ADAMTSL1: variants seen among roughly 807,000 people sequenced by gnomAD.
ADAMTSL1 encodes ADAMTS-like protein 1.
Under a neutral mutation model 201.8 loss-of-function variants are expected in ADAMTSL1, and 126 were observed. The observed-to-expected ratio is 0.62, with a 90% CI of 0.54 to 0.72. The LOEUF (loss-of-function observed/expected upper bound fraction) is 0.72, where lower values mean the gene tolerates loss of function less well. Among genes scored for constraint, ADAMTSL1 ranks in the 30% least tolerant of loss-of-function variants. ADAMTSL1 has a pLI of 0.00. For synonymous variants in ADAMTSL1, 1,121 were observed against 903.4 expected, an observed-to-expected ratio of 1.24 and a Z score of -4.32; for missense variants, 2,679 against 2,277.8, an observed-to-expected ratio of 1.18 and a Z score of -3.59.
At chr9:18,865,179 A>T (rs529363287) in intron 23 of ADAMTSL1, among the ~76,000 whole-genome samples, 2 of 152,086 alleles carry the variant, frequency 1.3e-5, no homozygotes, top group Non-Finnish European at 2.9e-5. Context: ...TCCTAATGCT[A>T]TCCCTCCCCG....
At chr9:18,826,209 T>C (rs1243801027) in intron 21 of ADAMTSL1, 75 bp from the exon 22 acceptor site, 2 of 1,527,034 alleles carry the variant, frequency 1.3e-6, no homozygotes, top group East Asian at 2.4e-5. Flanking sequence ...TTCAAGAAGC[T>C]ATAAATGCCT....
At chr9:18,421,446 A>T (rs908705505) in intron 2 of ADAMTSL1, among the ~76,000 whole-genome samples, 2 of 152,146 alleles carry the variant, frequency 1.3e-5, no homozygotes, top group Non-Finnish European at 2.9e-5. Flanking sequence ...CTCCTAAGCG[A>T]TAGAGCCAGG....
At position 18,910,435 on chromosome 9, in the gene ADAMTSL1, C is replaced by T. The variant is rs1258840702; in HGVS notation, c.*1887C>T. The T allele has an allele frequency of 2.0e-5, 3 of 152,122 alleles. No individual in the cohort carries two copies. Among genetic ancestry groups the T allele is most frequent in the Non-Finnish European group, 2.9e-5 (2 of 68,030 alleles). The allele number at this position is 152,122 out of a possible 1,614,324, so 9.4% of individuals were successfully genotyped here. A position where few individuals can be genotyped will look rare whatever the true frequency, so the allele number is the denominator to read the frequency against. On this transcript the variant is annotated 3_prime_UTR_variant, in exon 29 of 29. Transcript: ENST00000380548. ...CTTCCTGCAGTTGTGTTCCTGTAAACTCAGTAGTGATTATTATATTTTTCC... is the reference window on the plus strand; with the variant it reads ...CTTCCTGCAGTTGTGTTCCTGTAAATTCAGTAGTGATTATTATATTTTTCC...
At chr9:18,188,977 T>C (rs1354635152) in intron 2 of ADAMTSL1, among the ~76,000 whole-genome samples, 1 of 152,194 alleles carries the variant, frequency 6.6e-6, no homozygotes, top group Non-Finnish European at 1.5e-5. Context: ...GTCACACTGT[T>C]AGCACCTTTG....
intron 26 of ADAMTSL1, among the ~76,000 whole-genome samples, chr9:18,895,880 A>G (rs1829603858): frequency 6.6e-6 from 1 of 152,254 alleles, no homozygotes; most frequent in Admixed American, 6.5e-5. Context: ...GAAAATAAAC[A>G]TAGGCATTGA....
intron 1 of ADAMTSL1, among the ~76,000 whole-genome samples, chr9:17,916,962 T>G (rs1160862668): frequency 6.6e-6 from 1 of 152,198 alleles, no homozygotes; most frequent in Non-Finnish European, 1.5e-5. Context: ...TACAATATTT[T>G]AGTGTACAAG....
chr9:18,030,236 T>A (rs1250345871), intron 1 of ADAMTSL1, among the ~76,000 whole-genome samples: 1 of 152,260 alleles, frequency 6.6e-6, no homozygotes, highest in Non-Finnish European at 1.5e-5. Flanking sequence ...GATGAGTTCT[T>A]GTCCTTTGTA....
At chr9:18,683,094 G>T (rs369461923) in intron 12 of ADAMTSL1, among the ~76,000 whole-genome samples, 2 of 152,196 alleles carry the variant, frequency 1.3e-5, no homozygotes, top group African/African-American at 2.4e-5. Context: ...CCACAGGTGC[G>T]TCTGACAGGA....
chr9:18,401,687 T>G (rs1817991117), intron 2 of ADAMTSL1, among the ~76,000 whole-genome samples: 1 of 152,220 alleles, frequency 6.6e-6, no homozygotes, highest in East Asian at 1.9e-4. Flanking sequence ...TTGCCTTCTT[T>G]TTTTTACAGT....
chr9:18,315,922 C>A (rs1262595807), intron 2 of ADAMTSL1, among the ~76,000 whole-genome samples: 1 of 152,106 alleles, frequency 6.6e-6, no homozygotes. Context: ...TATCAGGGAA[C>A]CTGCCCCGAT....
At chr9:18,550,895 T>C (rs1820762513) in intron 3 of ADAMTSL1, among the ~76,000 whole-genome samples, 1 of 151,924 alleles carries the variant, frequency 6.6e-6, no homozygotes, top group Admixed American at 6.6e-5. Flanking sequence ...CCTCTTGTAT[T>C]TGGGAAGAAA....
chr9:18,817,700 A>C (rs1220782295), intron 21 of ADAMTSL1, among the ~76,000 whole-genome samples: 1 of 152,224 alleles, frequency 6.6e-6, no homozygotes, highest in African/African-American at 2.4e-5. Flanking sequence ...GCATTGAAGA[A>C]AATGGATTGA....
chr9:18,174,479 T>C (rs1828050081), intron 2 of ADAMTSL1, among the ~76,000 whole-genome samples: 1 of 152,170 alleles, frequency 6.6e-6, no homozygotes, highest in Non-Finnish European at 1.5e-5. Context: ...TGATCAAAAG[T>C]CAGATATGTG....
At chr9:18,790,094 CA>C (rs942236928) in intron 19 of ADAMTSL1, among the ~76,000 whole-genome samples, 14 of 150,778 alleles carry the variant, frequency 9.3e-5, no homozygotes, top group South Asian at 4.2e-4. Context: ...TGTGTACCAT[CA>C]AAAAAAAATC....
At chr9:18,744,781 G>A (rs141135976) in intron 15 of ADAMTSL1, among the ~76,000 whole-genome samples, 1 of 152,330 alleles carries the variant, frequency 6.6e-6, no homozygotes, top group Non-Finnish European at 1.5e-5. Context: ...CCAAGGTCCT[G>A]TATTATGCCT....
chr9:18,300,601 A>C (rs1003879865), intron 2 of ADAMTSL1, among the ~76,000 whole-genome samples: 1 of 152,244 alleles, frequency 6.6e-6, no homozygotes, highest in Admixed American at 6.5e-5. Flanking sequence ...TCCAGAACTT[A>C]AAGTATTAAA....
At chr9:18,128,506 G>A (rs578183495) in intron 1 of ADAMTSL1, among the ~76,000 whole-genome samples, 3 of 152,180 alleles carry the variant, frequency 2.0e-5, no homozygotes, top group African/African-American at 7.2e-5. Context: ...GGGACTACAG[G>A]AACCATTTTG....
In ADAMTSL1 at chr9:18,158,996, T is replaced by G. The variant is rs112682706; in HGVS notation, c.88-4866T>G. Among the ~76,000 whole-genome samples the G allele has an allele frequency of 7.2e-5, 11 of 152,182 alleles. 2 individuals are homozygous for G. Among genetic ancestry groups the G allele is most frequent in the African/African-American group, 2.6e-4 (11 of 41,574 alleles). The stretch of plus-strand genomic sequence containing the variant: ...GCTCCAATAAATGTTTCTATTCAGC[T>G]ATTTATCCATTAAACATTTGCATGT... On this transcript the variant is annotated intron_variant, in intron 1 of 29. Transcript: ENST00000680146.
intron 2 of ADAMTSL1, among the ~76,000 whole-genome samples, chr9:18,272,344 C>A (rs1015311887): frequency 6.6e-6 from 1 of 152,174 alleles, no homozygotes; most frequent in African/African-American, 2.4e-5. Context: ...CTGACAAAAA[C>A]AAGAAATGGG....
Sources: gnomAD v4.1 joint callset for allele counts (sites outside exome capture counted in the v4.1 genomes callset) on GRCh38, gnomAD v4.1.1 for gene constraint, MANE v1.5 for transcripts, NCBI Gene and HGNC (gene_info 2026-07-23, HGNC 2026-07-21) for gene names.